SMG6: variants seen among roughly 807,000 people sequenced by gnomAD.
SMG6 encodes the protein SMG6 nonsense mediated mRNA decay factor, also known as telomerase-binding protein EST1A.
In SMG6, 66 loss-of-function variants were observed where a neutral mutation model predicts 142.2. That is an observed-to-expected ratio of 0.46 (90% confidence interval 0.38 to 0.57). The LOEUF is 0.57. Ranked by LOEUF, SMG6 falls within the 20% of genes least tolerant of loss-of-function variation. The pLI, the probability that SMG6 is intolerant of heterozygous loss-of-function variation, is 0.00. For synonymous variants in SMG6, 779 were observed against 702.4 expected, an observed-to-expected ratio of 1.11 and a Z score of -1.72; for missense variants, 1,793 against 1,832.0, an observed-to-expected ratio of 0.98 and a Z score of 0.39.
chr17:2,094,887 GAAA>G (rs1256959394), intron 13 of SMG6: 2 of 152,230 alleles, frequency 1.3e-5, no homozygotes, highest in African/African-American at 4.8e-5. Flanking sequence ...TTCATGGACA[GAAA>G]CTATTCTTTT....
chr17:2,292,545 T>A lies in SMG6; in HGVS notation c.2337+7A>T, dbSNP rs1334933744. 6.2e-7 allele frequency: 1 copy of A among 1,614,028 alleles called. No homozygotes were observed. Among genetic ancestry groups the A allele is most frequent in the African/African-American group, 1.3e-5 (1 of 75,064 alleles). ...AGCACTTTTCCCCTGTCCACAGGAT[T>A]TCTTACCGTATACACTGCCAGCAAA... On this transcript the variant is annotated splice_region_variant and intron_variant, in intron 6 of 18. Transcript: ENST00000263073.
At chr17:2,256,593 T>G (rs2074185713) in intron 8 of SMG6, among the ~76,000 whole-genome samples, 1 of 152,102 alleles carries the variant, frequency 6.6e-6, no homozygotes, top group African/African-American at 2.4e-5. Context: ...CAAAACTCCA[T>G]CTTTACAAAA....
At chr17:2,189,705 A>G (rs1567670575) in intron 10 of SMG6, among the ~76,000 whole-genome samples, 1 of 152,150 alleles carries the variant, frequency 6.6e-6, no homozygotes, top group East Asian at 1.9e-4. Flanking sequence ...GACAATACCC[A>G]ACCACAGTGA....
chr17:2,067,342 C>A (rs1247357800), intron 16 of SMG6, among the ~76,000 whole-genome samples: 2 of 152,200 alleles, frequency 1.3e-5, no homozygotes, highest in African/African-American at 4.8e-5. Context: ...TGACAAAAAA[C>A]CCTGGCAGCC....
chr17:2,111,289 C>T (rs753745675), intron 13 of SMG6, among the ~76,000 whole-genome samples: 5 of 151,984 alleles, frequency 3.3e-5, no homozygotes, highest in East Asian at 3.9e-4. Flanking sequence ...AGACAGAGAG[C>T]GGCAGGGTGG....
At position 2,222,842 on chromosome 17, in the gene SMG6, T is replaced by C. The variant is rs113643362; in HGVS notation, c.2869+13650A>G. ...AGGTTTTCTCTTCCAATGAGGAATA[T>C]TGAAGAATGTGTCAATGGCCTACAA... On this transcript the variant is annotated intron_variant, in intron 10 of 18. Transcript: ENST00000263073. Among the ~76,000 whole-genome samples, 227 of 152,290 alleles carry C rather than the reference T, an allele frequency of 1.5e-3. 2 individuals are homozygous for C. Among genetic ancestry groups the C allele is most frequent in the African/African-American group, 5.0e-3 (206 of 41,560 alleles).
intron 16 of SMG6, among the ~76,000 whole-genome samples, chr17:2,066,362 G>A (rs141495758): frequency 7.6e-6 from 1 of 130,850 alleles, no homozygotes; most frequent in Non-Finnish European, 1.6e-5. Context: ...GTACATGTGT[G>A]TATATGTCTC....
chr17:2,059,997 G>A lies in SMG6; in HGVS notation c.*1495C>T, dbSNP rs979543486. 1 of 152,308 alleles carries A rather than the reference G, an allele frequency of 6.6e-6. No individual in the cohort carries two copies. Among genetic ancestry groups the A allele is most frequent in the Non-Finnish European group, 1.5e-5 (1 of 68,098 alleles). 9.4% of individuals were successfully genotyped at this position (152,308 alleles called of 1,614,324 possible). Reference sequence around the variant, plus strand: ...GAGGCCGGGGACCCTGTACTCCAAAGAGCCCAGTCTTCTGAGACTCTAGGG... The same window carrying A: ...GAGGCCGGGGACCCTGTACTCCAAAAAGCCCAGTCTTCTGAGACTCTAGGG... On this transcript the variant is annotated 3_prime_UTR_variant, in exon 19 of 19. Coordinates refer to ENST00000263073, the MANE Select transcript of SMG6 (RefSeq NM_017575.5).
chr17:2,089,150 C>G (rs2068644774), intron 13 of SMG6, among the ~76,000 whole-genome samples: 1 of 152,176 alleles, frequency 6.6e-6, no homozygotes, highest in African/African-American at 2.4e-5. Flanking sequence ...ATCATCCCCA[C>G]AGTTAACTCT....
intron 6 of SMG6, among the ~76,000 whole-genome samples, chr17:2,284,648 C>G (rs1257849543): frequency 6.6e-6 from 1 of 152,156 alleles, no homozygotes; most frequent in Non-Finnish European, 1.5e-5. Context: ...TTCAAAACTC[C>G]TATCTTATAT....
intron 8 of SMG6, among the ~76,000 whole-genome samples, chr17:2,281,029 G>T (rs1318264894): frequency 6.6e-6 from 1 of 152,190 alleles, no homozygotes; most frequent in Non-Finnish European, 1.5e-5. Context: ...ACTCTGGCCT[G>T]AGCAACAGAG....
intron 13 of SMG6, among the ~76,000 whole-genome samples, chr17:2,164,685 C>T (rs551691421): frequency 6.6e-6 from 1 of 152,140 alleles, no homozygotes; most frequent in East Asian, 1.9e-4. Context: ...GCCTGTAATC[C>T]CAGCACTTTG....
chr17:2,178,205 G>T lies in SMG6; in HGVS notation c.3156-5346C>A, dbSNP rs117897182. Among the ~76,000 whole-genome samples the T allele has an allele frequency of 2.8e-3, 429 of 152,270 alleles. 1 individual carries two copies. The highest frequency in any genetic ancestry group is 6.8e-3 in the Middle Eastern group (2 of 294). On this transcript the variant is annotated intron_variant, in intron 12 of 18. Transcript: ENST00000263073. ...TAGGTAGCTCAAGAGGCCCTGGGCT[G>T]GGCTGGAGATGGGGAGAATTCTATG...
At position 2,065,175 on chromosome 17, in the gene SMG6, G is replaced by A. The variant is rs774045872; in HGVS notation, c.4048-21C>T. Reference sequence around the variant, plus strand: ...TTACCCTGGAGGAAGACGTGTGTGAGAAGCACCACTGGGCAGAAGGGGGCG... The same window carrying A: ...TTACCCTGGAGGAAGACGTGTGTGAAAAGCACCACTGGGCAGAAGGGGGCG... On this transcript the variant is annotated intron_variant, in intron 17 of 18. Coordinates refer to ENST00000263073, the MANE Select transcript of SMG6 (RefSeq NM_017575.5). 5 of 1,597,768 alleles carry A rather than the reference G, an allele frequency of 3.1e-6. No homozygotes were observed. In the East Asian group the frequency reaches 1.1e-4, roughly 36 times the overall value.
chr17:2,087,943 C>T (rs2068610121), intron 13 of SMG6: 5 of 985,846 alleles, frequency 5.1e-6, no homozygotes, highest in Non-Finnish European at 6.0e-6. Context: ...TACGCCCCAG[C>T]TACTGCTTGC....
chr17:2,121,218 C>T (rs1214525708), intron 13 of SMG6, among the ~76,000 whole-genome samples: 3 of 151,380 alleles, frequency 2.0e-5, no homozygotes, highest in African/African-American at 7.3e-5. Flanking sequence ...TTCACAGCAA[C>T]TTTATTCATA....
intron 13 of SMG6, among the ~76,000 whole-genome samples, chr17:2,105,428 C>G (rs1030709548): frequency 1.3e-5 from 2 of 152,060 alleles, no homozygotes; most frequent in Non-Finnish European, 2.9e-5. Flanking sequence ...TGCCTGTAAT[C>G]CCAGCTACCT....
chr17:2,263,872 T>C (rs1324900452), intron 8 of SMG6, among the ~76,000 whole-genome samples: 5 of 151,954 alleles, frequency 3.3e-5, no homozygotes, highest in Non-Finnish European at 7.4e-5. Flanking sequence ...GAAAAGAGGG[T>C]AGAGAGATGA....
At chr17:2,255,492 G>C (rs1057046406) in intron 8 of SMG6, among the ~76,000 whole-genome samples, 11 of 149,944 alleles carry the variant, frequency 7.3e-5, no homozygotes, top group Non-Finnish European at 5.9e-5. Context: ...GAGCAAACCT[G>C]TATTTGTAAA....
Sources: gnomAD v4.1 joint callset for allele counts (sites outside exome capture counted in the v4.1 genomes callset) on GRCh38, gnomAD v4.1.1 for gene constraint, MANE v1.5 for transcripts, NCBI Gene and HGNC (gene_info 2026-07-23, HGNC 2026-07-21) for gene names.